The following LTBP4 variants were observed in gnomAD, a reference collection of about 807,000 sequenced individuals.
The protein encoded by LTBP4 is latent-transforming growth factor beta-binding protein 4.
A neutral mutation model predicts 180.2 loss-of-function variants in LTBP4; 93 were observed. That is an observed-to-expected ratio of 0.52 (90% CI 0.44 to 0.61). LTBP4 has a LOEUF of 0.61. LTBP4 is among the 20% of genes least tolerant of loss of function. The pLI is 0.00. For synonymous variants in LTBP4, 947 were observed against 934.5 expected (o/e 1.01, Z -0.24); for missense variants, 2,116 against 2,256.5 (o/e 0.94, Z 1.26).
Position 40,612,100 on chromosome 19 carries a change from C to CA in LTBP4, c.2208dup (p.Cys737MetfsTer31). 1 of 1,613,712 alleles carries CA rather than the reference C, an allele frequency of 6.2e-7. No homozygotes were observed. Among genetic ancestry groups the CA allele is most frequent in the Non-Finnish European group, 8.5e-7 (1 of 1,179,788 alleles). On this transcript the variant is annotated frameshift_variant, in exon 15 of 30. Coordinates refer to ENST00000396819, the MANE Select transcript of LTBP4 (RefSeq NM_001042545.2). LOFTEE classifies it high-confidence loss of function. ...GTGGATGAGTGTGAGAACCACCTCG[C>CA]ATGCCCTGGGCAGGAGTGTGTGAAC...
At chr19:40,618,909 C>T (rs921859395) in intron 21 of LTBP4, among the ~76,000 whole-genome samples, 1 of 152,172 alleles carries the variant, frequency 6.6e-6, no homozygotes, top group Non-Finnish European at 1.5e-5. Flanking sequence ...GCATGATTTT[C>T]AGGCAGATTA....
chr19:40,607,499 G>C lies in LTBP4; in HGVS notation c.1126G>C (p.Gly376Arg), dbSNP rs1363782332. 5 of 1,612,192 alleles carry C rather than the reference G, an allele frequency of 3.1e-6. No individual in the cohort carries two copies. In the African/African-American group the frequency reaches 6.7e-5, roughly 22 times the overall value. ...CCGCGTAGGCAAGGCCTGGGGCCGG[G>C]GCTGCCAGCTCTGCCCACCCTTCGG... ...CSRVGKAWGRGCQLCPPFGSE... is the reference protein window; with the variant it reads ...CSRVGKAWGRRCQLCPPFGSE... The change falls in exon 7 of 30, where the codon GGC (glycine) becomes CGC (arginine). Residue 376 changes from glycine to arginine, a missense_variant. Physicochemically the swap from Gly to Arg is moderately radical, Grantham distance 125 (BLOSUM62 -2). Transcript: ENST00000396819.
rs763966795 is a variant in LTBP4 at position 40,606,366 on chromosome 19, A to G, written c.869-38A>G. ...CTGGGGGCGGGATTTGCAGGGATCA[A>G]GTTCCTGACTCCACGGTGACCTCCC... On this transcript the variant is annotated intron_variant, in intron 5 of 29. Transcript: ENST00000396819. 3.1e-6 allele frequency: 5 copies of G among 1,605,308 alleles called. No individual in the cohort carries two copies. The East Asian group carries it at 1.1e-4, about 36-fold the overall frequency.
intron 1 of LTBP4, among the ~76,000 whole-genome samples, chr19:40,593,732 C>T (rs983521798): frequency 5.3e-5 from 8 of 151,146 alleles, no homozygotes; most frequent in Non-Finnish European, 7.4e-5. Context: ...GAATCCAGAA[C>T]GCTCGTGTTG....
At chr19:40,614,173 C>G in intron 18 of LTBP4, 135 bp downstream of exon 18, 8 of 1,449,178 alleles carry the variant, frequency 5.5e-6, no homozygotes, top group Non-Finnish European at 7.5e-6. Flanking sequence ...TCCTAGCCTC[C>G]CCAACTCTCC....
chr19:40,623,876 G>A (rs1412785459), intron 25 of LTBP4, 60 bp from the exon 26 acceptor site: 2 of 1,604,504 alleles, frequency 1.2e-6, no homozygotes, highest in South Asian at 1.1e-5. Context: ...GTGCTGGGAA[G>A]AGAAATGGGA....
chr19:40,613,174 G>C lies in LTBP4; in HGVS notation c.2409G>C (p.Ser803=), dbSNP rs373819567. The C allele has an allele frequency of 6.4e-7, 1 of 1,572,112 alleles. No homozygotes were observed. The highest frequency in any genetic ancestry group is 8.6e-7 in the Non-Finnish European group (1 of 1,159,224). Residue 803 remains serine, a synonymous_variant, in exon 16 of 30, where the codon TCG becomes TCC. Coordinates refer to ENST00000396819, the MANE Select transcript of LTBP4 (RefSeq NM_001042545.2). The surrounding 1 kb of genome is among the most constrained non-coding windows in gnomAD (Gnocchi z 5.0). ...CSCAPGYRAP[S]GRPGPCADVN... ...GCGCGCCAGGCTACCGGGCGCCGTC[G>C]GGTCGGCCCGGGCCCTGCGCAGGTG...
Position 40,616,888 on chromosome 19 carries a change from G to C in LTBP4, c.2813-1G>C. ...CCTTTCATCTCCTCCACACTCTGCA[G>C]ATGTGGATGAGTGCCAAGAATATGG... On this transcript the variant is annotated splice_acceptor_variant, in intron 19 of 29. Coordinates refer to ENST00000396819, the MANE Select transcript of LTBP4 (RefSeq NM_001042545.2). LOFTEE classifies it high-confidence loss of function. 1.2e-6 allele frequency: 2 copies of C among 1,613,950 alleles called. No individual in the cohort carries two copies. The highest frequency in any genetic ancestry group is 1.7e-6 in the Non-Finnish European group (2 of 1,179,898).
intron 1 of LTBP4, among the ~76,000 whole-genome samples, chr19:40,603,753 T>C (rs983919467): frequency 8.5e-5 from 13 of 152,314 alleles, no homozygotes; most frequent in African/African-American, 2.4e-4. Flanking sequence ...TCCGCACAGC[T>C]GTCTCCAGCT....
At chr19:40,625,252 TTA>T (rs71173663) in intron 26 of LTBP4, among the ~76,000 whole-genome samples, 4 of 44,028 alleles carry the variant, frequency 9.1e-5, no homozygotes, top group South Asian at 8.1e-4. Flanking sequence ...ATTTTTGTAT[TTA>T]TATATATATA....
chr19:40,596,824 G>A (rs1380984842), upstream of LTBP4, among the ~76,000 whole-genome samples: 4 of 152,118 alleles, frequency 2.6e-5, no homozygotes, highest in Non-Finnish European at 4.4e-5. Flanking sequence ...TCCCAGAACT[G>A]GGAGCAGAGA....
At chr19:40,610,982 A>T in intron 12 of LTBP4, 170 bp from the exon 13 acceptor site, 2 of 951,900 alleles carry the variant, frequency 2.1e-6, no homozygotes, top group Non-Finnish European at 3.1e-6. Flanking sequence ...AGACAGAACC[A>T]GCCAGGCAGC....
chr19:40,625,280 A>ATTTATATATATATATT (rs2081619763), intron 26 of LTBP4, among the ~76,000 whole-genome samples: 2 of 5,234 alleles, frequency 3.8e-4, no homozygotes, highest in African/African-American at 4.5e-3. Flanking sequence ...ATATATATAT[A>ATTTATATATATATATT]TATATATATA....
chr19:40,601,242 CCCGCGCGG>C, upstream of LTBP4: 3 of 580,222 alleles, frequency 5.2e-6, no homozygotes, highest in Non-Finnish European at 4.3e-6. Context: ...CCCACGCGCC[CCCGCGCGG>C]CCGCCGGGGA....
At chr19:40,614,602 G>A (rs1238917009) in intron 19 of LTBP4, among the ~76,000 whole-genome samples, 156 bp downstream of exon 19, 1 of 152,176 alleles carries the variant, frequency 6.6e-6, no homozygotes, top group Non-Finnish European at 1.5e-5. Context: ...AGCCGCCACC[G>A]TGTCCATGTA....
In LTBP4 at chr19:40,619,943, G is replaced by A. The variant is rs61132362; in HGVS notation, c.3217+450G>A. On this transcript the variant is annotated intron_variant, in intron 22 of 29. Transcript: ENST00000396819. Reference sequence around the variant, plus strand: ...GGATTAGGGAGTTCTTCCTGTAGGAGACGACATCTGAACTGAGAGCTGTGG... The same window carrying A: ...GGATTAGGGAGTTCTTCCTGTAGGAAACGACATCTGAACTGAGAGCTGTGG... Among the ~76,000 whole-genome samples the A allele has an allele frequency of 6.0e-3, 919 of 152,302 alleles. 17 individuals carry two copies. Among genetic ancestry groups the A allele is most frequent in the African/African-American group, 0.02 (828 of 41,556 alleles).
At position 40,605,705 on chromosome 19, in the gene LTBP4, C is replaced by A. The variant is rs547073828; in HGVS notation, c.691-24C>A. On this transcript the variant is annotated intron_variant, in intron 3 of 29. Coordinates refer to ENST00000396819, the MANE Select transcript of LTBP4 (RefSeq NM_001042545.2). This position sits in a 1 kb window ranked among gnomAD's most constrained non-coding sequence, Gnocchi z 5.5. ...CGGAGCTTGCCTCCGCGCGGGGGCG[C>A]GCTCACCCAACACTTCCCCGCAGTG... 5.2e-6 allele frequency: 8 copies of A among 1,547,252 alleles called. No individual in the cohort carries two copies. The South Asian group carries it at 9.5e-5, about 18-fold the overall frequency.
chr19:40,617,093 G>A lies in LTBP4; in HGVS notation c.2945-7G>A, dbSNP rs367754458. 46 of 1,613,894 alleles carry A rather than the reference G, an allele frequency of 2.9e-5. No individual in the cohort carries two copies. Among genetic ancestry groups the A allele is most frequent in the Non-Finnish European group, 3.6e-5 (43 of 1,179,870 alleles). ...CCAGAAATGGCCTGACTGTCTGGTG[G>A]TTGCAGATGTGGACGAATGCCGGAA... On this transcript the variant is annotated splice_polypyrimidine_tract_variant and splice_region_variant and intron_variant, in intron 20 of 29. Transcript: ENST00000396819.
At chr19:40,597,592 G>A (rs1432495126), upstream of LTBP4, among the ~76,000 whole-genome samples, 3 of 152,042 alleles carry the variant, frequency 2.0e-5, no homozygotes, top group African/African-American at 7.2e-5. Context: ...TTATTGTGGT[G>A]GAGAAGGCTA....
Sources: gnomAD v4.1 joint callset for allele counts (sites outside exome capture counted in the v4.1 genomes callset) on GRCh38, gnomAD v4.1.1 for gene constraint, Gnocchi (gnomAD v3.1) non-coding constraint, MANE v1.5 for transcripts, NCBI Gene and HGNC (gene_info 2026-07-23, HGNC 2026-07-21) for gene names.